The following KIF20B variants were observed in gnomAD, a reference collection of about 807,000 sequenced individuals.
KIF20B encodes the protein kinesin family member 20B, also known as kinesin-like protein KIF20B.
A neutral mutation model predicts 232.5 loss-of-function variants in KIF20B; 188 were observed. The observed-to-expected ratio is 0.81, with a 90% CI of 0.72 to 0.91. KIF20B has a LOEUF of 0.91. KIF20B is among the 40% of genes least tolerant of loss of function. The pLI is 0.00. For synonymous variants in KIF20B, 712 were observed against 683.0 expected (o/e 1.04, Z -0.66); for missense variants, 2,154 against 2,055.9 (o/e 1.05, Z -0.92).
At chr10:89,721,250 G>T in intron 13 of KIF20B, among the ~76,000 whole-genome samples, 1 of 152,108 alleles carries the variant, frequency 6.6e-6, no homozygotes, top group East Asian at 1.9e-4. Flanking sequence ...CATATGTTTG[G>T]AAACAAGAAT....
Position 89,714,038 on chromosome 10 carries a change from T to G in KIF20B, c.676-9T>G. 7.3e-7 allele frequency: 1 copy of G among 1,376,906 alleles called. No homozygotes were observed. The highest frequency in any genetic ancestry group is 9.8e-7 in the Non-Finnish European group (1 of 1,018,100). 85.3% of individuals were successfully genotyped at this position (1,376,906 alleles called of 1,614,324 possible). On this transcript the variant is annotated splice_polypyrimidine_tract_variant and intron_variant, in intron 6 of 32. Transcript: ENST00000371728. The stretch of plus-strand genomic sequence containing the variant: ...TTTTTTTAATTTTTTAAAACAATCT[T>G]TTTTTTAGGTTACTGTGCATAATGA...
rs766515803 is a variant in KIF20B at position 89,772,823 on chromosome 10, GGCCAAGTGGTAA to G, written c.5380_5385+6del. ...AATTTCATCTCCTATTGATATATCA[GGCCAAGTGGTAA>G]GCTAGTATTTCTGTTTTCATCAATG... On this transcript the variant is annotated splice_donor_variant and splice_donor_region_variant and coding_sequence_variant and intron_variant, in exon 32 of 33. Transcript: ENST00000371728. LOFTEE classifies it high-confidence loss of function. 1.3e-5 allele frequency: 21 copies of G among 1,604,190 alleles called. No individual in the cohort carries two copies. Among genetic ancestry groups the G allele is most frequent in the Non-Finnish European group, 1.6e-5 (19 of 1,176,252 alleles).
At chr10:89,718,927 G>GA in intron 12 of KIF20B, 55 bp downstream of exon 12, 2 of 1,128,648 alleles carry the variant, frequency 1.8e-6, no homozygotes, top group East Asian at 5.7e-5. Context: ...AGTTTTTCTT[G>GA]AAATAAATAT....
At chr10:89,766,398 T>A (rs1220780489) in intron 29 of KIF20B, 2 of 152,476 alleles carry the variant, frequency 1.3e-5, no homozygotes, top group Non-Finnish European at 2.9e-5. Flanking sequence ...AGGAGGAAAT[T>A]CAAACCAAAG....
intron 29 of KIF20B, chr10:89,766,416 A>G (rs1564676415): frequency 6.6e-6 from 1 of 152,306 alleles, no homozygotes; most frequent in African/African-American, 2.4e-5. Flanking sequence ...AAGGCAAAGA[A>G]GTTGAAAACT....
intron 21 of KIF20B, among the ~76,000 whole-genome samples, chr10:89,743,145 T>C (rs548147772): frequency 6.6e-6 from 1 of 152,330 alleles, no homozygotes; most frequent in African/African-American, 2.4e-5. Context: ...ATAACTTCCC[T>C]CTGGAAATCC....
At chr10:89,763,376 C>T (rs1014930726) in intron 29 of KIF20B, among the ~76,000 whole-genome samples, 3 of 152,154 alleles carry the variant, frequency 2.0e-5, no homozygotes, top group Non-Finnish European at 2.9e-5. Context: ...AACTATAATA[C>T]ATCAAATGAT....
At chr10:89,723,283 G>A (rs1022184262) in intron 13 of KIF20B, among the ~76,000 whole-genome samples, 1 of 152,062 alleles carries the variant, frequency 6.6e-6, no homozygotes, top group African/African-American at 2.4e-5. Context: ...ATATGTAGCT[G>A]TTTCCTTAAT....
chr10:89,716,088 C>T (rs1354596065), intron 8 of KIF20B, among the ~76,000 whole-genome samples: 5 of 152,172 alleles, frequency 3.3e-5, no homozygotes, highest in Non-Finnish European at 5.9e-5. Flanking sequence ...TTACAATCTT[C>T]AGTGTTTAAT....
chr10:89,748,031 C>T (rs777336594), intron 23 of KIF20B, among the ~76,000 whole-genome samples: 2 of 152,112 alleles, frequency 1.3e-5, no homozygotes, highest in South Asian at 2.1e-4. Flanking sequence ...CTTTTTGAGA[C>T]GGAGATTCGC....
intron 22 of KIF20B, among the ~76,000 whole-genome samples, chr10:89,745,693 C>T (rs1406064866): frequency 6.6e-6 from 1 of 151,886 alleles, no homozygotes; most frequent in African/African-American, 2.4e-5. Context: ...TCACTGCAAT[C>T]TCTACTTCTT....
At position 89,725,064 on chromosome 10, in the gene KIF20B, A is replaced by G. The variant is rs1404824792; in HGVS notation, c.1907A>G (p.Glu636Gly). The G allele has an allele frequency of 1.2e-6, 2 of 1,613,830 alleles. No homozygotes were observed. The highest frequency in any genetic ancestry group is 1.7e-6 in the Non-Finnish European group (2 of 1,179,812). The change falls in exon 15 of 33, where the codon GAA becomes GGA. Residue 636 changes from glutamate (E) to glycine (G), a missense_variant. By Grantham distance (98) the Glu-to-Gly change is moderately conservative. Transcript: ENST00000371728. ...QEREILEENA[E>G]RRLAIFKDLV... ...CGAGAGATATTAGAAGAAAATGCTG[A>G]ACGTCGTTTGGCTATCTTCAAGGAT...
chr10:89,703,104 C>T (rs942182384), intron 1 of KIF20B, among the ~76,000 whole-genome samples: 2 of 148,116 alleles, frequency 1.4e-5, no homozygotes, highest in Admixed American at 6.8e-5. Flanking sequence ...CAACACTTTT[C>T]TTTAAACCAA....
intron 23 of KIF20B, among the ~76,000 whole-genome samples, chr10:89,748,076 C>G (rs1018179611): frequency 6.6e-6 from 1 of 152,216 alleles, no homozygotes; most frequent in Non-Finnish European, 1.5e-5. Flanking sequence ...GTGGCACAAT[C>G]TCAGCTCACT....
At chr10:89,738,725 G>A in intron 20 of KIF20B, 108 bp downstream of exon 20, 2 of 1,331,360 alleles carry the variant, frequency 1.5e-6, no homozygotes, top group Non-Finnish European at 2.0e-6. Context: ...AGCGTAGCAT[G>A]TATGATGAGT....
intron 22 of KIF20B, 135 bp from the exon 23 acceptor site, chr10:89,745,764 C>CTGGT (rs1841896951): frequency 3.3e-6 from 2 of 614,880 alleles, no homozygotes; most frequent in East Asian, 5.7e-5. Context: ...AAGCTTGAGA[C>CTGGT]TGGTACCAGC....
At chr10:89,763,052 C>T (rs1228467754) in intron 29 of KIF20B, among the ~76,000 whole-genome samples, 1 of 152,094 alleles carries the variant, frequency 6.6e-6, no homozygotes, top group Non-Finnish European at 1.5e-5. Context: ...GAGGCTGGGG[C>T]TGGCGGATCA....
chr10:89,728,702 C>T (rs1342866720), intron 17 of KIF20B, among the ~76,000 whole-genome samples: 4 of 151,916 alleles, frequency 2.6e-5, no homozygotes, highest in Non-Finnish European at 5.9e-5. Context: ...CGGGCTTTCA[C>T]GATGTTGGCC....
intron 24 of KIF20B, 105 bp downstream of exon 24, chr10:89,751,576 T>C: frequency 9.4e-7 from 1 of 1,063,404 alleles, no homozygotes; most frequent in Non-Finnish European, 1.4e-6. Flanking sequence ...CAGTGATTGA[T>C]AATGGAAAAG....
Sources: gnomAD v4.1 joint callset for allele counts (sites outside exome capture counted in the v4.1 genomes callset) on GRCh38, gnomAD v4.1.1 for gene constraint, MANE v1.5 for transcripts, NCBI Gene and HGNC (gene_info 2026-07-23, HGNC 2026-07-21) for gene names.